Variants in ATP6V0A4 observed in about 807,000 individuals in gnomAD.
The protein encoded by ATP6V0A4 is ATPase H+ transporting V0 subunit a4, also known as V-type proton ATPase 116 kDa subunit a 4.
In ATP6V0A4, 86 loss-of-function variants were observed where a neutral mutation model predicts 107.3. The ratio of observed to expected loss-of-function variants is 0.80; its 90% CI spans 0.67 to 0.96. The LOEUF (loss-of-function observed/expected upper bound fraction) is 0.96, where lower values mean the gene tolerates loss of function less well. ATP6V0A4 is among the 40% of genes least tolerant of loss of function. The pLI is 0.00. For missense variants in ATP6V0A4, 908 were observed against 1,045.6 expected (o/e 0.87, Z 1.81); for synonymous variants, 353 against 381.4 (o/e 0.93, Z 0.87).
At chr7:138,767,840 C>A (rs1807171822) in intron 5 of ATP6V0A4, among the ~76,000 whole-genome samples, 1 of 152,188 alleles carries the variant, frequency 6.6e-6, no homozygotes, top group African/African-American at 2.4e-5. Context: ...TCATCCCTGT[C>A]CCCACCATCT....
At chr7:138,772,245 T>C (rs1447252559) in intron 2 of ATP6V0A4, among the ~76,000 whole-genome samples, 1 of 152,220 alleles carries the variant, frequency 6.6e-6, no homozygotes, top group Non-Finnish European at 1.5e-5. Context: ...CTGCTATTTA[T>C]CCAGATAGAC....
rs1030680696 is a variant in ATP6V0A4 at position 138,711,964 on chromosome 7, G to A, written c.2258-2169C>T. 5.3e-5 allele frequency among the ~76,000 whole-genome samples: 8 copies of A among 152,008 alleles called. No homozygotes were observed. The East Asian group carries it at 5.8e-4, about 11-fold the overall frequency. On this transcript the variant is annotated intron_variant, in intron 20 of 21. Transcript: ENST00000310018. Reference sequence around the variant, plus strand: ...TTTTCCTTTTTCGAGACAGAGTCTCGCTCTGTCACCCAGGCTGGAGTGCAG... The same window carrying A: ...TTTTCCTTTTTCGAGACAGAGTCTCACTCTGTCACCCAGGCTGGAGTGCAG...
chr7:138,714,075 CAA>C (rs35801199), intron 20 of ATP6V0A4, among the ~76,000 whole-genome samples: 3,115 of 112,226 alleles, frequency 0.028, 99 homozygotes, highest in East Asian at 0.12. Flanking sequence ...CTACCTCTAC[CAA>C]AAAAAAAAAA....
At chr7:138,750,000 C>T (rs535851171) in intron 11 of ATP6V0A4, among the ~76,000 whole-genome samples, 1 of 152,278 alleles carries the variant, frequency 6.6e-6, no homozygotes, top group East Asian at 1.9e-4. Flanking sequence ...TATCTAACAC[C>T]TAGATTGCTC....
At chr7:138,775,470 G>T (rs1584944663) in intron 2 of ATP6V0A4, among the ~76,000 whole-genome samples, 2 of 151,998 alleles carry the variant, frequency 1.3e-5, no homozygotes, top group Admixed American at 1.3e-4. Flanking sequence ...TTCCTAGATT[G>T]TCTGTGATTT....
At position 138,722,045 on chromosome 7, in the gene ATP6V0A4, TGAG is replaced by T. The variant is rs1291138783; in HGVS notation, c.2011-23_2011-21del. The stretch of plus-strand genomic sequence containing the variant: ...CTGCAGCTGACAACAAGCAGGGAAA[TGAG>T]GAATGCGCTCAACTCACCCTGAGAA... On this transcript the variant is annotated intron_variant, in intron 18 of 21. Coordinates refer to ENST00000310018, the MANE Select transcript of ATP6V0A4 (RefSeq NM_020632.3). 3 of 1,613,954 alleles carry T rather than the reference TGAG, an allele frequency of 1.9e-6. No individual in the cohort carries two copies. Among genetic ancestry groups the T allele is most frequent in the Non-Finnish European group, 2.5e-6 (3 of 1,179,974 alleles).
At chr7:138,764,177 TAAAG>T (rs2117320119) in intron 5 of ATP6V0A4, among the ~76,000 whole-genome samples, 1 of 150,284 alleles carries the variant, frequency 6.7e-6, no homozygotes, top group East Asian at 2.0e-4. Flanking sequence ...TATGAAAAAA[TAAAG>T]AAAAATACAG....
At chr7:138,797,416 C>T (rs1214154501) in intron 1 of ATP6V0A4, among the ~76,000 whole-genome samples, 2 of 151,842 alleles carry the variant, frequency 1.3e-5, no homozygotes, top group East Asian at 1.9e-4. Flanking sequence ...TGGGGTTTCA[C>T]CATTTTGGCC....
chr7:138,715,180 C>G (rs1803971207), intron 20 of ATP6V0A4, among the ~76,000 whole-genome samples: 1 of 152,130 alleles, frequency 6.6e-6, no homozygotes, highest in Non-Finnish European at 1.5e-5. Context: ...TGGAAGACAC[C>G]AAATTTGTGT....
intron 12 of ATP6V0A4, among the ~76,000 whole-genome samples, chr7:138,747,927 A>T (rs537602659): frequency 2.6e-5 from 4 of 151,642 alleles, no homozygotes; most frequent in African/African-American, 9.7e-5. Context: ...ACTACTTTTT[A>T]AAATTTTCTA....
At chr7:138,769,367 G>T in intron 3 of ATP6V0A4, 116 bp from the exon 4 acceptor site, 1 of 1,463,986 alleles carries the variant, frequency 6.8e-7, no homozygotes, top group Non-Finnish European at 9.1e-7. Flanking sequence ...CAGACTGGAG[G>T]GCAATGGCGC....
At chr7:138,769,337 T>C in intron 3 of ATP6V0A4, 86 bp from the exon 4 acceptor site, 8 of 1,476,128 alleles carry the variant, frequency 5.4e-6, no homozygotes, top group Non-Finnish European at 7.2e-6. Context: ...TTTTTGAGAC[T>C]GAGTTTTAAT....
intron 2 of ATP6V0A4, chr7:138,780,194 C>T (rs1256603728): frequency 6.6e-6 from 1 of 152,144 alleles, no homozygotes; most frequent in Non-Finnish European, 1.5e-5. Flanking sequence ...GCATCAGAGA[C>T]CTGTTTTGTG....
At chr7:138,745,658 CAAA>C (rs566336992) in intron 13 of ATP6V0A4, among the ~76,000 whole-genome samples, 13 of 42,758 alleles carry the variant, frequency 3.0e-4, no homozygotes, top group African/African-American at 1.3e-3. Flanking sequence ...GCCTGTGTCT[CAAA>C]AAAAAAAAAA....
intron 11 of ATP6V0A4, among the ~76,000 whole-genome samples, chr7:138,752,207 T>C (rs1806264583): frequency 6.6e-6 from 1 of 151,896 alleles, no homozygotes; most frequent in Admixed American, 6.6e-5. Flanking sequence ...CCGTCTCTAC[T>C]AAAAATACAA....
chr7:138,716,550 T>C (rs137870594), intron 19 of ATP6V0A4, among the ~76,000 whole-genome samples: 1 of 136,904 alleles, frequency 7.3e-6, no homozygotes, highest in Non-Finnish European at 1.5e-5. Context: ...CCTCATGCTC[T>C]CTGATGTGAC....
intron 5 of ATP6V0A4, among the ~76,000 whole-genome samples, chr7:138,767,291 G>T (rs1807140230): frequency 6.6e-6 from 1 of 152,248 alleles, no homozygotes; most frequent in Non-Finnish European, 1.5e-5. Flanking sequence ...GGGAGGCCAA[G>T]GTGGGCGGAT....
chr7:138,776,953 G>A (rs1293721545), intron 2 of ATP6V0A4, among the ~76,000 whole-genome samples: 1 of 152,022 alleles, frequency 6.6e-6, no homozygotes, highest in Non-Finnish European at 1.5e-5. Context: ...TTCGAGACCA[G>A]CCTGGCCAAC....
chr7:138,706,495 C>T lies in ATP6V0A4; in HGVS notation c.*129G>A. Reference sequence around the variant, plus strand: ...TCCACAGGCTGACGTCCAAATAATACACAGTTTCATGCTTCAGGTGAGCCA... The same window carrying T: ...TCCACAGGCTGACGTCCAAATAATATACAGTTTCATGCTTCAGGTGAGCCA... On this transcript the variant is annotated 3_prime_UTR_variant, in exon 22 of 22. Coordinates refer to ENST00000310018, the MANE Select transcript of ATP6V0A4 (RefSeq NM_020632.3). 8.7e-7 allele frequency: 1 copy of T among 1,143,608 alleles called. No individual in the cohort carries two copies. The allele number at this position is 1,143,608 out of a possible 1,614,324, so 70.8% of individuals were successfully genotyped here. A position where few individuals can be genotyped will look rare whatever the true frequency, so the allele number is the denominator to read the frequency against.
Sources: gnomAD v4.1 joint callset for allele counts (sites outside exome capture counted in the v4.1 genomes callset) on GRCh38, gnomAD v4.1.1 for gene constraint, MANE v1.5 for transcripts, NCBI Gene and HGNC (gene_info 2026-07-23, HGNC 2026-07-21) for gene names.